TBC1D22A: variants seen among roughly 807,000 people sequenced by gnomAD.
TBC1D22A encodes TBC1 domain family member 22A, also known as putative GTPase activator.
TBC1D22A carries 38 observed loss-of-function variants against 60.2 expected under a neutral mutation model. The observed-to-expected ratio is 0.63, with a 90% CI of 0.49 to 0.83. TBC1D22A has a LOEUF of 0.83. Among genes scored for constraint, TBC1D22A ranks in the 40% least tolerant of loss-of-function variants. The pLI, the probability that TBC1D22A is intolerant of heterozygous loss-of-function variation, is 0.00. For missense variants in TBC1D22A, 628 were observed against 701.0 expected, an observed-to-expected ratio of 0.90 and a Z score of 1.18; for synonymous variants, 302 against 281.7, an observed-to-expected ratio of 1.07 and a Z score of -0.72.
intron 12 of TBC1D22A, among the ~76,000 whole-genome samples, chr22:47,142,059 C>G (rs2067105994): frequency 1.3e-5 from 2 of 152,178 alleles, no homozygotes; most frequent in Admixed American, 1.3e-4. Context: ...TGCCACAGCT[C>G]TGGCCCCTGT....
chr22:46,821,989 T>G (rs926220408), intron 4 of TBC1D22A, among the ~76,000 whole-genome samples: 1 of 151,900 alleles, frequency 6.6e-6, no homozygotes, highest in Non-Finnish European at 1.5e-5. Flanking sequence ...ATTAATGTGG[T>G]CTTCAAACTC....
intron 4 of TBC1D22A, among the ~76,000 whole-genome samples, chr22:46,858,829 G>C (rs2087712803): frequency 6.6e-6 from 1 of 152,160 alleles, no homozygotes; most frequent in African/African-American, 2.4e-5. Context: ...AATTGGGTGC[G>C]TTCACTGTGG....
At chr22:47,015,284 C>T (rs190719683) in intron 10 of TBC1D22A, among the ~76,000 whole-genome samples, 12 of 152,230 alleles carry the variant, frequency 7.9e-5, no homozygotes, top group Admixed American at 3.9e-4. Flanking sequence ...TAGAGGAGTG[C>T]GAGACTCCCG....
intron 1 of TBC1D22A, among the ~76,000 whole-genome samples, chr22:46,788,802 G>T (rs1200238929): frequency 6.6e-6 from 1 of 152,096 alleles, no homozygotes; most frequent in African/African-American, 2.4e-5. Context: ...CTCCTTATTG[G>T]CTTTTTTTTG....
chr22:46,949,224 C>G (rs1206346659), intron 8 of TBC1D22A, among the ~76,000 whole-genome samples: 6 of 152,208 alleles, frequency 3.9e-5, no homozygotes, highest in Non-Finnish European at 7.3e-5. Context: ...AAGGTCCACC[C>G]GAATACCTGG....
intron 12 of TBC1D22A, among the ~76,000 whole-genome samples, chr22:47,143,253 A>G (rs2067172978): frequency 6.6e-6 from 1 of 152,070 alleles, no homozygotes; most frequent in South Asian, 2.1e-4. Context: ...AGTGGAGCAG[A>G]CTCTGAGGTC....
intron 11 of TBC1D22A, among the ~76,000 whole-genome samples, chr22:47,099,430 T>C (rs185070627): frequency 6.6e-6 from 1 of 151,848 alleles, no homozygotes; most frequent in Admixed American, 6.6e-5. Context: ...GTCCCTGCTT[T>C]CTTTCTTTTT....
chr22:47,054,260 A>C (rs1185375280), intron 11 of TBC1D22A, among the ~76,000 whole-genome samples: 1 of 152,198 alleles, frequency 6.6e-6, no homozygotes, highest in Admixed American at 6.5e-5. Context: ...GTGGATCCTG[A>C]AGTCTCTCTT....
chr22:46,857,120 T>C (rs1381500230), intron 4 of TBC1D22A, among the ~76,000 whole-genome samples: 1 of 152,264 alleles, frequency 6.6e-6, no homozygotes, highest in Non-Finnish European at 1.5e-5. Flanking sequence ...CCCAAGCAGG[T>C]TTGGTTTGCC....
intron 9 of TBC1D22A, among the ~76,000 whole-genome samples, chr22:46,988,615 T>A (rs1199862100): frequency 6.6e-6 from 1 of 152,218 alleles, no homozygotes; most frequent in Admixed American, 6.5e-5. Context: ...AACAAAATCT[T>A]TCTTTCTGAG....
rs532143024 is a variant in TBC1D22A at position 47,171,780 on chromosome 22, C to T, written c.1426-1718C>T. Among the ~76,000 whole-genome samples the T allele has an allele frequency of 3.9e-5, 6 of 152,322 alleles. No homozygotes were observed. The East Asian group carries it at 1.2e-3, about 29-fold the overall frequency. On this transcript the variant is annotated intron_variant, in intron 12 of 12. Coordinates refer to ENST00000337137, the MANE Select transcript of TBC1D22A (RefSeq NM_014346.5). ...GGTCCCCCGAGGACCTGTGCTTTTC[C>T]TTCCCCGTTGTGGCCTCAGTGGACG... is the stretch of plus-strand genomic sequence containing the variant.
intron 12 of TBC1D22A, among the ~76,000 whole-genome samples, chr22:47,143,875 G>T (rs979307402): frequency 3.9e-5 from 6 of 152,264 alleles, no homozygotes; most frequent in Non-Finnish European, 7.3e-5. Flanking sequence ...CTCCTGCAGA[G>T]ATAGAAACAC....
At chr22:46,784,761 T>C (rs1429020761) in intron 1 of TBC1D22A, among the ~76,000 whole-genome samples, 1 of 152,248 alleles carries the variant, frequency 6.6e-6, no homozygotes, top group African/African-American at 2.4e-5. Context: ...TAAACGTTCA[T>C]ATACAGAGAG....
At chr22:46,778,841 C>A (rs2083814698) in intron 1 of TBC1D22A, among the ~76,000 whole-genome samples, 1 of 152,116 alleles carries the variant, frequency 6.6e-6, no homozygotes, top group Non-Finnish European at 1.5e-5. Flanking sequence ...GTCAGGAGTT[C>A]GAAAGCAGCC....
At chr22:47,002,134 C>A (rs558741568) in intron 10 of TBC1D22A, among the ~76,000 whole-genome samples, 4 of 152,340 alleles carry the variant, frequency 2.6e-5, no homozygotes, top group Non-Finnish European at 4.4e-5. Context: ...AATAAATGTA[C>A]CTTTACTCTC....
rs116773480 is a variant in TBC1D22A, at chr22:47,054,104, C to T, written c.1329+16906C>T. 5.0e-3 allele frequency among the ~76,000 whole-genome samples: 766 copies of T among 152,316 alleles called. 9 individuals are homozygous for T. Among genetic ancestry groups the T allele is most frequent in the African/African-American group, 0.018 (739 of 41,576 alleles). ...AGAGTCTCTGGGTAGCAGCCAGTGC[C>T]CGAGCTCTGGGCATGCATCCCTGAC... On this transcript the variant is annotated intron_variant, in intron 11 of 12. Coordinates refer to ENST00000337137, the MANE Select transcript of TBC1D22A (RefSeq NM_014346.5).
At chr22:46,813,490 TAGA>T (rs2085467672) in intron 4 of TBC1D22A, among the ~76,000 whole-genome samples, 2 of 152,226 alleles carry the variant, frequency 1.3e-5, no homozygotes, top group Admixed American at 1.3e-4. Context: ...TTTCCCAGGG[TAGA>T]AGAAGAATGC....
intron 9 of TBC1D22A, among the ~76,000 whole-genome samples, chr22:46,975,894 C>T (rs1428464997): frequency 6.6e-6 from 1 of 152,188 alleles, no homozygotes; most frequent in Non-Finnish European, 1.5e-5. Flanking sequence ...AACCTCGTAT[C>T]TATTGGCTGG....
chr22:47,103,267 G>T (rs1569448210), intron 11 of TBC1D22A, among the ~76,000 whole-genome samples: 1 of 152,176 alleles, frequency 6.6e-6, no homozygotes, highest in South Asian at 2.1e-4. Context: ...TGACACAGGG[G>T]ACACACTGGA....
Sources: allele counts gnomAD v4.1 joint callset (sites outside exome capture counted in the v4.1 genomes callset), GRCh38; gene constraint gnomAD v4.1.1; transcripts MANE v1.5; gene names NCBI Gene and HGNC (gene_info 2026-07-23, HGNC 2026-07-21).